Variants in GRM7 observed in about 807,000 individuals in gnomAD.
GRM7 encodes the protein metabotropic glutamate receptor 7.
A neutral mutation model predicts 84.5 loss-of-function variants in GRM7; 35 were observed. That is an observed-to-expected ratio of 0.41 (90% CI 0.32 to 0.55). The LOEUF (loss-of-function observed/expected upper bound fraction) is 0.55, where lower values mean the gene tolerates loss of function less well. GRM7 is among the 20% of genes least tolerant of loss of function. GRM7 has a pLI of 0.19. For synonymous variants in GRM7, 487 were observed against 455.1 expected (o/e 1.07, Z -0.89); for missense variants, 1,003 against 1,194.6 (o/e 0.84, Z 2.36).
At chr3:7,676,664 C>G (rs1327184241) in intron 8 of GRM7, among the ~76,000 whole-genome samples, 17 of 152,056 alleles carry the variant, frequency 1.1e-4, no homozygotes, top group Non-Finnish European at 2.5e-4. Context: ...GAATGCCTGA[C>G]CTCAGGTGAT....
At chr3:7,044,220 A>G (rs1043753449) in intron 1 of GRM7, among the ~76,000 whole-genome samples, 1 of 152,212 alleles carries the variant, frequency 6.6e-6, no homozygotes, top group East Asian at 1.9e-4. Context: ...TATTTTGCAG[A>G]GAGTCATTTA....
chr3:7,680,317 T>A (rs201597420), intron 9 of GRM7, 22 bp downstream of exon 9: 2 of 1,612,114 alleles, frequency 1.2e-6, no homozygotes, highest in Non-Finnish European at 1.7e-6. Flanking sequence ...TCCGTTTCTT[T>A]CATCTTCCCA....
At chr3:7,184,645 A>G (rs1243748567) in intron 2 of GRM7, among the ~76,000 whole-genome samples, 2 of 152,092 alleles carry the variant, frequency 1.3e-5, no homozygotes, top group Non-Finnish European at 2.9e-5. Context: ...TTAGAAATAT[A>G]TTATCATTTT....
rs532989171 is a variant in GRM7, at chr3:7,696,433, A to AAGG, written c.2698+16139_2698+16141dup. Among the ~76,000 whole-genome samples, 981 of 152,296 alleles carry AAGG rather than the reference A, an allele frequency of 6.4e-3. 9 individuals carry two copies. The highest frequency in any genetic ancestry group is 0.01 in the Non-Finnish European group (705 of 68,008). ...TCAGTACATGGATAATGACTACAGT[A>AAGG]AGGCCCTGTATCTAAGGGAGGATGG... On this transcript the variant is annotated intron_variant, in intron 9 of 9. Coordinates refer to ENST00000357716, the MANE Select transcript of GRM7 (RefSeq NM_000844.4).
At chr3:7,597,176 GGAAGAC>G (rs1319300865) in intron 8 of GRM7, among the ~76,000 whole-genome samples, 1 of 152,094 alleles carries the variant, frequency 6.6e-6, no homozygotes, top group Non-Finnish European at 1.5e-5. Context: ...CAATCACAGT[GGAAGAC>G]GAGGGGGACG....
chr3:6,964,177 C>T (rs911861445), intron 1 of GRM7, among the ~76,000 whole-genome samples: 5 of 152,150 alleles, frequency 3.3e-5, no homozygotes, highest in Non-Finnish European at 5.9e-5. Flanking sequence ...TCTCAGTCAG[C>T]GGGGCTGCTA....
At chr3:7,218,305 A>G (rs1444760558) in intron 2 of GRM7, among the ~76,000 whole-genome samples, 3 of 152,018 alleles carry the variant, frequency 2.0e-5, no homozygotes, top group Non-Finnish European at 4.4e-5. Flanking sequence ...AGAACTGAAA[A>G]CCTGTTTGGC....
chr3:7,216,810 CAT>C, intron 2 of GRM7, among the ~76,000 whole-genome samples: 1 of 152,226 alleles, frequency 6.6e-6, no homozygotes, highest in Admixed American at 6.5e-5. Flanking sequence ...TCATTAGAAA[CAT>C]AGTGAACCAA....
chr3:6,932,306 C>T (rs1193159109), intron 1 of GRM7, among the ~76,000 whole-genome samples: 2 of 152,136 alleles, frequency 1.3e-5, no homozygotes, highest in Non-Finnish European at 2.9e-5. Context: ...ACCCTTTATC[C>T]TGCTTTGTAC....
intron 1 of GRM7, among the ~76,000 whole-genome samples, chr3:6,945,797 A>G (rs142748410): frequency 0.092 from 14,049 of 152,076 alleles, 679 homozygotes; most frequent in Middle Eastern, 0.12. Flanking sequence ...TTTGATTTGC[A>G]TTTCTCTGAT....
At chr3:7,039,783 T>C (rs1037757995) in intron 1 of GRM7, among the ~76,000 whole-genome samples, 1 of 152,164 alleles carries the variant, frequency 6.6e-6, no homozygotes, top group Non-Finnish European at 1.5e-5. Context: ...ATTTGATCTA[T>C]TATTGCCGAT....
intron 5 of GRM7, among the ~76,000 whole-genome samples, chr3:7,448,746 A>G (rs1697637299): frequency 6.6e-6 from 1 of 152,150 alleles, no homozygotes; most frequent in Non-Finnish European, 1.5e-5. Flanking sequence ...ACATACCTGG[A>G]GACTCTCTGA....
chr3:6,882,957 C>A (rs1357504813), intron 1 of GRM7, among the ~76,000 whole-genome samples: 1 of 152,252 alleles, frequency 6.6e-6, no homozygotes. Flanking sequence ...AATTGAAGGG[C>A]CACTTTTCAA....
chr3:6,873,313 T>C (rs369913), intron 1 of GRM7, among the ~76,000 whole-genome samples: 52,312 of 152,118 alleles, frequency 0.34, 9,375 homozygotes, highest in South Asian at 0.47. Flanking sequence ...CCTCAGGTGA[T>C]CCTTTGGTCT....
intron 8 of GRM7, among the ~76,000 whole-genome samples, chr3:7,663,048 C>A (rs1699533255): frequency 1.3e-5 from 2 of 152,102 alleles, no homozygotes; most frequent in Non-Finnish European, 2.9e-5. Flanking sequence ...GAATAAATTA[C>A]ATTTAGAATA....
intron 1 of GRM7, among the ~76,000 whole-genome samples, chr3:7,127,050 A>G (rs1325019466): frequency 4.6e-5 from 7 of 152,258 alleles, no homozygotes; most frequent in African/African-American, 1.4e-4. Context: ...GTAGCTGAAA[A>G]CATCCCCAAA....
At chr3:7,110,611 ACG>A (rs545855886) in intron 1 of GRM7, among the ~76,000 whole-genome samples, 25,757 of 147,978 alleles carry the variant, frequency 0.17, 2,268 homozygotes, top group South Asian at 0.21. Context: ...ACACACACAC[ACG>A]CACACAATTA....
At chr3:7,572,868 A>G (rs1412069594) in intron 7 of GRM7, among the ~76,000 whole-genome samples, 1 of 80,658 alleles carries the variant, frequency 1.2e-5, no homozygotes, top group Non-Finnish European at 2.5e-5. Flanking sequence ...ATATATATAT[A>G]TATATATATA....
Position 7,082,877 on chromosome 3 carries a change from G to T in GRM7, c.520-63575G>T, listed in dbSNP as rs560502308. Among the ~76,000 whole-genome samples, 164 of 152,242 alleles carry T rather than the reference G, an allele frequency of 1.1e-3. 1 individual carries two copies. The highest frequency in any genetic ancestry group is 3.8e-3 in the African/African-American group (160 of 41,566). On this transcript the variant is annotated intron_variant, in intron 1 of 9. Coordinates refer to ENST00000357716, the MANE Select transcript of GRM7 (RefSeq NM_000844.4). ...ATTAAAAGTGGAGCCTGAAGATGTG[G>T]CTAATCTTCTTTGCTGCAATCTCAT...
Sources: allele counts gnomAD v4.1 joint callset (sites outside exome capture counted in the v4.1 genomes callset), GRCh38; gene constraint gnomAD v4.1.1; transcripts MANE v1.5; gene names NCBI Gene and HGNC (gene_info 2026-07-23, HGNC 2026-07-21).